Variants in STAC observed in about 807,000 individuals in gnomAD.
The protein encoded by STAC is SH3 and cysteine rich domain.
STAC carries 43 observed loss-of-function variants against 48.8 expected under a neutral mutation model. That is an observed-to-expected ratio of 0.88 (90% confidence interval 0.69 to 1.14). The LOEUF is 1.14. Ranked by LOEUF, STAC falls within the 50% of genes most tolerant of loss-of-function variation. The probability of loss-of-function intolerance (pLI) is 0.00; values close to 1 mark genes in which losing one functional copy is unlikely to be tolerated. For synonymous variants in STAC, 193 were observed against 179.5 expected, an observed-to-expected ratio of 1.07 and a Z score of -0.60; for missense variants, 497 against 504.0, an observed-to-expected ratio of 0.99 and a Z score of 0.13.
Position 36,529,050 on chromosome 3 carries a change from A to G in STAC, c.1110+65A>G, listed in dbSNP as rs1037448351. The G allele has an allele frequency of 6.9e-6, 10 of 1,455,756 alleles. No individual in the cohort carries two copies. In the Admixed American group the frequency reaches 1.9e-4, roughly 28 times the overall value. The allele number at this position is 1,455,756 out of a possible 1,614,324, so 90.2% of individuals were successfully genotyped here. ...ATAGGGTGTCATTTTAATAAACTTA[A>G]TAATATGTATAAATCTGAATGAGTG... On this transcript the variant is annotated intron_variant, in intron 10 of 10. Transcript: ENST00000273183.
intron 8 of STAC, among the ~76,000 whole-genome samples, chr3:36,527,731 C>T (rs1307499628): frequency 6.6e-6 from 1 of 152,108 alleles, no homozygotes; most frequent in Admixed American, 6.5e-5. Context: ...AAATAACAGC[C>T]TTCCAATTGT....
chr3:36,473,638 T>G (rs1424521186), intron 2 of STAC, among the ~76,000 whole-genome samples: 1 of 152,190 alleles, frequency 6.6e-6, no homozygotes, highest in Non-Finnish European at 1.5e-5. Flanking sequence ...AGCATGACTT[T>G]TACCACTCCG....
chr3:36,449,703 A>G (rs1040151506), intron 2 of STAC, among the ~76,000 whole-genome samples: 2 of 152,246 alleles, frequency 1.3e-5, no homozygotes, highest in African/African-American at 4.8e-5. Flanking sequence ...GCAAAGATTG[A>G]GCAAAAATTG....
At chr3:36,419,626 A>G (rs990947653) in intron 1 of STAC, among the ~76,000 whole-genome samples, 3 of 152,236 alleles carry the variant, frequency 2.0e-5, no homozygotes, top group Admixed American at 6.5e-5. Context: ...CTTGAAGAAC[A>G]TACAATGGCC....
chr3:36,522,495 A>G (rs1698830722), intron 8 of STAC, among the ~76,000 whole-genome samples: 1 of 152,210 alleles, frequency 6.6e-6, no homozygotes, highest in South Asian at 2.1e-4. Flanking sequence ...CCAGGCTTAG[A>G]TAATTTTTTT....
intron 1 of STAC, among the ~76,000 whole-genome samples, chr3:36,436,919 A>G (rs1035825565): frequency 1.3e-5 from 2 of 152,090 alleles, no homozygotes; most frequent in African/African-American, 2.4e-5. Context: ...GAACTCAAAC[A>G]AATTTACAAG....
intron 1 of STAC, among the ~76,000 whole-genome samples, chr3:36,403,751 T>A (rs759044789): frequency 6.6e-6 from 1 of 152,040 alleles, no homozygotes; most frequent in Non-Finnish European, 1.5e-5. Context: ...ATGATGAAAC[T>A]CAGAGGGGCA....
chr3:36,402,907 A>G (rs1184625538), intron 1 of STAC, among the ~76,000 whole-genome samples: 2 of 152,192 alleles, frequency 1.3e-5, no homozygotes, highest in Admixed American at 6.5e-5. Flanking sequence ...CTAGCTACCC[A>G]TATGATCAAG....
chr3:36,385,077 TC>T (rs1200845426), intron 1 of STAC, among the ~76,000 whole-genome samples: 1 of 152,158 alleles, frequency 6.6e-6, no homozygotes, highest in East Asian at 1.9e-4. Flanking sequence ...TAAGTTGAAA[TC>T]TCTGAGAGAG....
In STAC at chr3:36,398,554, AGAGAGGG is replaced by A. The variant is rs1559477344; in HGVS notation, c.111+17801_111+17807del. Among the ~76,000 whole-genome samples, 295 of 48,472 alleles carry A rather than the reference AGAGAGGG, an allele frequency of 6.1e-3. 15 individuals carry two copies. Among genetic ancestry groups the A allele is most frequent in the African/African-American group, 0.013 (132 of 10,514 alleles). The allele number at this position is 48,472 out of a possible 152,430, so 31.8% of individuals were successfully genotyped here. A position where few individuals can be genotyped will look rare whatever the true frequency, so the allele number is the denominator to read the frequency against. Reference sequence around the variant, plus strand: ...GAAAGAAAGAGAGGTAAAGAGAAAGAGAGAGGGAAGGAAGGAAGGAAGGAAGGAAGGA... The same window carrying A: ...GAAAGAAAGAGAGGTAAAGAGAAAGAAAGGAAGGAAGGAAGGAAGGAAGGA... On this transcript the variant is annotated intron_variant, in intron 1 of 10. Coordinates refer to ENST00000273183, the MANE Select transcript of STAC (RefSeq NM_003149.3).
At chr3:36,510,608 C>T (rs1226744260) in intron 8 of STAC, among the ~76,000 whole-genome samples, 1 of 152,148 alleles carries the variant, frequency 6.6e-6, no homozygotes, top group Non-Finnish European at 1.5e-5. Flanking sequence ...ACATATACAC[C>T]ATGGAATACT....
intron 2 of STAC, among the ~76,000 whole-genome samples, chr3:36,449,824 A>T (rs1696630477): frequency 6.6e-6 from 1 of 152,230 alleles, no homozygotes; most frequent in African/African-American, 2.4e-5. Flanking sequence ...ATCTTAAAAA[A>T]TCCTTGAGCT....
intron 1 of STAC, among the ~76,000 whole-genome samples, chr3:36,424,972 C>T (rs1700530143): frequency 1.3e-5 from 2 of 151,894 alleles, no homozygotes; most frequent in Non-Finnish European, 2.9e-5. Context: ...CACTATTAGG[C>T]AGACAGCAGG....
chr3:36,419,062 A>G (rs76149599), intron 1 of STAC, among the ~76,000 whole-genome samples: 1 of 152,020 alleles, frequency 6.6e-6, no homozygotes, highest in African/African-American at 2.4e-5. Context: ...AAAAAAAAAA[A>G]AAGAAATTAT....
At chr3:36,512,783 C>CTTTTTTTTTTTT (rs901936471) in intron 8 of STAC, among the ~76,000 whole-genome samples, 2 of 152,030 alleles carry the variant, frequency 1.3e-5, no homozygotes, top group African/African-American at 4.8e-5. Context: ...ATCACACATA[C>CTTTTTTTTTTTT]TTTTTTTTAT....
chr3:36,498,508 C>T (rs1213263398), intron 6 of STAC, among the ~76,000 whole-genome samples: 2 of 152,124 alleles, frequency 1.3e-5, no homozygotes, highest in Non-Finnish European at 2.9e-5. Flanking sequence ...AATCTCACCA[C>T]TTTGGGAGGC....
intron 8 of STAC, among the ~76,000 whole-genome samples, chr3:36,520,180 G>GGA (rs1698767288): frequency 6.6e-6 from 1 of 152,102 alleles, no homozygotes; most frequent in Non-Finnish European, 1.5e-5. Context: ...ATTTCACAGA[G>GGA]GAGAAAACTT....
chr3:36,420,431 C>A lies in STAC; in HGVS notation c.112-22933C>A, dbSNP rs1423380924. ...CCCTGGGCCACGGACTAGTACCGGT[C>A]TGTAGCCTGTTAGGAACCGGGCTAC... is the stretch of plus-strand genomic sequence containing the variant. On this transcript the variant is annotated intron_variant, in intron 1 of 10. Coordinates refer to ENST00000273183, the MANE Select transcript of STAC (RefSeq NM_003149.3). Among the ~76,000 whole-genome samples the A allele has an allele frequency of 2.6e-5, 4 of 152,294 alleles. No individual in the cohort carries two copies. In the East Asian group the frequency reaches 7.7e-4, roughly 29 times the overall value.
intron 1 of STAC, among the ~76,000 whole-genome samples, chr3:36,436,955 A>G (rs1419440584): frequency 6.6e-6 from 1 of 151,976 alleles, no homozygotes; most frequent in East Asian, 1.9e-4. Flanking sequence ...CCCATCAAAA[A>G]GTGGGCAAAG....
Sources: gnomAD v4.1 joint callset for allele counts (sites outside exome capture counted in the v4.1 genomes callset) on GRCh38, gnomAD v4.1.1 for gene constraint, MANE v1.5 for transcripts, NCBI Gene and HGNC (gene_info 2026-07-23, HGNC 2026-07-21) for gene names.